The following LRRTM4 variants were observed in gnomAD, a reference collection of about 807,000 sequenced individuals.
LRRTM4 encodes leucine-rich repeat transmembrane neuronal protein 4.
Under a neutral mutation model 47.6 loss-of-function variants are expected in LRRTM4, and 25 were observed. The ratio of observed to expected loss-of-function variants is 0.53; its 90% CI spans 0.38 to 0.73. LRRTM4 has a LOEUF of 0.73. LRRTM4 is among the 30% of genes least tolerant of loss of function. The pLI is 0.00. For synonymous variants in LRRTM4, 311 were observed against 269.5 expected (o/e 1.15, Z -1.51); for missense variants, 638 against 713.4 (o/e 0.89, Z 1.20).
At chr2:77,037,641 CTAATA>C (rs902913125) in intron 3 of LRRTM4, among the ~76,000 whole-genome samples, 1 of 151,586 alleles carries the variant, frequency 6.6e-6, no homozygotes, top group African/African-American at 2.4e-5. Flanking sequence ...AATGTAGACT[CTAATA>C]TAAGAAGAAA....
rs780063916 is a variant in LRRTM4, at chr2:77,518,715, G to C, written c.1154C>G (p.Pro385Arg). The C allele has an allele frequency of 6.2e-7, 1 of 1,613,456 alleles. No homozygotes were observed. Among genetic ancestry groups the C allele is most frequent in the South Asian group, 1.1e-5 (1 of 91,076 alleles). Residue 385 changes from proline (P) to arginine (R), a missense_variant, in exon 3 of 4, where the codon CCT becomes CGT. By Grantham distance (103) the Pro-to-Arg change is moderately radical (BLOSUM62 -2). Coordinates refer to ENST00000409884, the MANE Select transcript of LRRTM4 (RefSeq NM_001134745.3). ...GTCAGGTTTGAAGATGGTAGGTCTA[G>C]GGATAATCAGAGGTTTCTGGGGAGT... Reference protein sequence around the residue: ...PQTPQKPLIIPRPTIFKPDVT... With the variant: ...PQTPQKPLIIRRPTIFKPDVT...
chr2:76,978,610 C>T (rs1362792838), intron 3 of LRRTM4, among the ~76,000 whole-genome samples: 1 of 151,968 alleles, frequency 6.6e-6, no homozygotes, highest in South Asian at 2.1e-4. Flanking sequence ...TTCATTCTGT[C>T]ATTTATTCAA....
intron 3 of LRRTM4, among the ~76,000 whole-genome samples, chr2:77,255,310 C>A (rs1394286604): frequency 1.3e-5 from 2 of 151,892 alleles, no homozygotes; most frequent in Non-Finnish European, 2.9e-5. Context: ...TAGGCTAATG[C>A]ACAATTACAG....
intron 3 of LRRTM4, among the ~76,000 whole-genome samples, chr2:76,783,340 G>A (rs1674498511): frequency 6.6e-6 from 1 of 152,028 alleles, no homozygotes. Context: ...AAAGTCATTT[G>A]TGTTTTATTT....
intron 3 of LRRTM4, among the ~76,000 whole-genome samples, chr2:76,904,546 T>G (rs1044712489): frequency 6.6e-6 from 1 of 152,236 alleles, no homozygotes; most frequent in Non-Finnish European, 1.5e-5. Flanking sequence ...ATTATATATC[T>G]CTGTCAGTGT....
At chr2:77,100,691 A>C (rs1670929462) in intron 3 of LRRTM4, among the ~76,000 whole-genome samples, 1 of 152,138 alleles carries the variant, frequency 6.6e-6, no homozygotes, top group Non-Finnish European at 1.5e-5. Flanking sequence ...ATCAGGAAAA[A>C]AGAATATGGA....
At chr2:77,069,099 G>A (rs1246406705) in intron 3 of LRRTM4, among the ~76,000 whole-genome samples, 2 of 152,060 alleles carry the variant, frequency 1.3e-5, no homozygotes, top group Non-Finnish European at 2.9e-5. Context: ...ATAAATACAT[G>A]GGTAAATCTC....
intron 3 of LRRTM4, among the ~76,000 whole-genome samples, chr2:77,366,298 T>C (rs1316066407): frequency 3.3e-5 from 5 of 151,972 alleles, no homozygotes; most frequent in African/African-American, 1.2e-4. Flanking sequence ...GACCACTCTT[T>C]TTACCTTGAC....
At chr2:77,176,665 T>C (rs1673205947) in intron 3 of LRRTM4, among the ~76,000 whole-genome samples, 1 of 152,180 alleles carries the variant, frequency 6.6e-6, no homozygotes, top group African/African-American at 2.4e-5. Flanking sequence ...ATCAAGATGA[T>C]AAAAAATAAT....
At chr2:77,486,468 C>T (rs1038402635) in intron 3 of LRRTM4, among the ~76,000 whole-genome samples, 11 of 151,942 alleles carry the variant, frequency 7.2e-5, no homozygotes, top group African/African-American at 1.7e-4. Flanking sequence ...ATTTTGCACA[C>T]ATATTAAGAA....
intron 3 of LRRTM4, among the ~76,000 whole-genome samples, chr2:77,432,698 A>G (rs1183511916): frequency 6.6e-6 from 1 of 152,208 alleles, no homozygotes; most frequent in Non-Finnish European, 1.5e-5. Flanking sequence ...AAGAGATTAC[A>G]GACACATATG....
intron 3 of LRRTM4, among the ~76,000 whole-genome samples, chr2:77,299,885 G>A (rs185864822): frequency 3.8e-4 from 49 of 128,574 alleles, no homozygotes; most frequent in African/African-American, 1.5e-3. Context: ...ACGGGGTCTC[G>A]TTCTTTGCCA....
intron 3 of LRRTM4, among the ~76,000 whole-genome samples, chr2:77,004,938 G>A (rs923602862): frequency 4.6e-5 from 7 of 152,236 alleles, no homozygotes; most frequent in East Asian, 3.9e-4. Flanking sequence ...CTTTGTTTTG[G>A]CCAACTTATC....
chr2:77,049,202 A>T (rs1285871827), intron 3 of LRRTM4, among the ~76,000 whole-genome samples: 1 of 144,444 alleles, frequency 6.9e-6, no homozygotes, highest in African/African-American at 2.6e-5. Flanking sequence ...TCATCTATTG[A>T]TAGGCAACTT....
chr2:76,776,119 G>A (rs945584213), intron 3 of LRRTM4, among the ~76,000 whole-genome samples: 12 of 152,196 alleles, frequency 7.9e-5, no homozygotes, highest in African/African-American at 1.2e-4. Context: ...AGTATTCCAC[G>A]GTGTATATGT....
At chr2:77,120,284 C>T (rs910239161) in intron 3 of LRRTM4, among the ~76,000 whole-genome samples, 2 of 151,724 alleles carry the variant, frequency 1.3e-5, no homozygotes, top group African/African-American at 2.4e-5. Context: ...CTATCATCCA[C>T]GTGATTCTTC....
At chr2:76,936,883 A>C (rs1037776184) in intron 3 of LRRTM4, among the ~76,000 whole-genome samples, 3 of 133,420 alleles carry the variant, frequency 2.2e-5, no homozygotes, top group Admixed American at 8.9e-5. Context: ...TGAACCCAGG[A>C]GGCGGAAGTT....
rs957042074 is a variant in LRRTM4, at chr2:76,920,006, C to T, written c.1552-171090G>A. Among the ~76,000 whole-genome samples the T allele has an allele frequency of 2.0e-5, 3 of 151,810 alleles. No homozygotes were observed. The East Asian group carries it at 5.8e-4, about 29-fold the overall frequency. On this transcript the variant is annotated intron_variant, in intron 3 of 3. Coordinates refer to ENST00000409884, the MANE Select transcript of LRRTM4 (RefSeq NM_001134745.3). ...GCTATTTACTTCCAATTAAGCTAGC[C>T]CAGTGTTTTACATGATAAACTTTCA...
chr2:76,803,267 G>C (rs763377325), intron 3 of LRRTM4, among the ~76,000 whole-genome samples: 1 of 151,942 alleles, frequency 6.6e-6, no homozygotes, highest in Non-Finnish European at 1.5e-5. Context: ...CAAATGACCT[G>C]ATTTTAAAAA....
Sources: allele counts gnomAD v4.1 joint callset (sites outside exome capture counted in the v4.1 genomes callset), GRCh38; gene constraint gnomAD v4.1.1; transcripts MANE v1.5; gene names NCBI Gene and HGNC (gene_info 2026-07-23, HGNC 2026-07-21).